The following LEPR variants were observed in gnomAD, a reference collection of about 807,000 sequenced individuals.
The protein encoded by LEPR is leptin receptor.
In LEPR, 56 loss-of-function variants were observed where a neutral mutation model predicts 114.7. The ratio of observed to expected loss-of-function variants is 0.49; its 90% confidence interval spans 0.39 to 0.61. The LOEUF is 0.61. Among genes scored for constraint, LEPR ranks in the 20% least tolerant of loss-of-function variants. The pLI is 0.00. For missense variants in LEPR, 1,202 were observed against 1,352.9 expected (o/e 0.89, Z 1.75); for synonymous variants, 443 against 461.4 (o/e 0.96, Z 0.51).
At chr1:65,484,409 G>T (rs996616144) in intron 2 of LEPR, among the ~76,000 whole-genome samples, 1 of 151,822 alleles carries the variant, frequency 6.6e-6, no homozygotes, top group African/African-American at 2.4e-5. Flanking sequence ...TTAAAAAAGA[G>T]TTCGTTTATC....
At chr1:65,585,055 T>A (rs1655226762) in intron 5 of LEPR, among the ~76,000 whole-genome samples, 1 of 152,062 alleles carries the variant, frequency 6.6e-6, no homozygotes, top group East Asian at 1.9e-4. Context: ...CCTTCTGAAT[T>A]CCTCATGGGG....
intron 2 of LEPR, among the ~76,000 whole-genome samples, chr1:65,559,648 T>TATTA (rs1653151624): frequency 8.8e-6 from 1 of 113,454 alleles, no homozygotes; most frequent in Admixed American, 8.5e-5. Flanking sequence ...TGAATGGTCA[T>TATTA]GCCTAGGTTT....
chr1:65,570,598 A>C lies in LEPR; in HGVS notation c.166A>C (p.Asn56His). The change falls in exon 4 of 20, where the codon AAT (asparagine) becomes CAT (histidine). Residue 56 changes from asparagine to histidine, a missense_variant. Asn to His is a moderately conservative substitution (Grantham distance 68, BLOSUM62 1). Coordinates refer to ENST00000349533, the MANE Select transcript of LEPR (RefSeq NM_002303.6). ...CCTTTTGCCTGCTGGACTCTCAAAG[A>C]ATACTTCAAATTCGAATGGACATTA... ...YFLLPAGLSKNTSNSNGHYET... is the reference protein window; with the variant it reads ...YFLLPAGLSKHTSNSNGHYET... 2 of 1,614,022 alleles carry C rather than the reference A, an allele frequency of 1.2e-6. No individual in the cohort carries two copies. The highest frequency in any genetic ancestry group is 1.7e-6 in the Non-Finnish European group (2 of 1,179,930).
At chr1:65,454,528 C>A (rs370847442) in intron 2 of LEPR, among the ~76,000 whole-genome samples, 1 of 151,894 alleles carries the variant, frequency 6.6e-6, no homozygotes, top group African/African-American at 2.4e-5. Context: ...ATTTTATTTC[C>A]CCTTCACTTA....
intron 2 of LEPR, among the ~76,000 whole-genome samples, chr1:65,438,508 C>A (rs532073512): frequency 5.1e-4 from 73 of 143,322 alleles, no homozygotes; most frequent in Middle Eastern, 8.0e-3. Context: ...CAAGATTGCA[C>A]CACTGCACTC....
intron 19 of LEPR, chr1:65,629,356 T>C (rs777498450): frequency 1.1e-5 from 5 of 448,500 alleles, no homozygotes; most frequent in South Asian, 8.0e-5. Flanking sequence ...ATGTTCTGTG[T>C]TGTAATTTGT....
chr1:65,634,878 GAAAA>G (rs372936080), intron 19 of LEPR: 4 of 791,588 alleles, frequency 5.1e-6, no homozygotes, highest in Non-Finnish European at 6.1e-6. Context: ...ATTTCTTTCA[GAAAA>G]AAAAAACAGG....
chr1:65,551,904 T>G (rs1318591753), intron 2 of LEPR, among the ~76,000 whole-genome samples: 1 of 152,240 alleles, frequency 6.6e-6, no homozygotes, highest in Non-Finnish European at 1.5e-5. Flanking sequence ...TGGTACGTTG[T>G]GTCTTTGTTC....
At chr1:65,520,024 C>T (rs768364379) in intron 2 of LEPR, among the ~76,000 whole-genome samples, 19 of 151,960 alleles carry the variant, frequency 1.3e-4, no homozygotes, top group East Asian at 3.9e-4. Flanking sequence ...CCACCACGCC[C>T]GGCTAATTTT....
chr1:65,623,795 A>G (rs759631025), intron 19 of LEPR, among the ~76,000 whole-genome samples: 5 of 152,190 alleles, frequency 3.3e-5, no homozygotes, highest in African/African-American at 4.8e-5. Context: ...GAAGCTATTA[A>G]TAGTACTCAA....
At chr1:65,438,831 C>T (rs759741698) in intron 2 of LEPR, among the ~76,000 whole-genome samples, 12 of 152,160 alleles carry the variant, frequency 7.9e-5, no homozygotes, top group Non-Finnish European at 1.5e-4. Flanking sequence ...AGTCAGATTA[C>T]AAACCCCATT....
intron 2 of LEPR, chr1:65,434,564 A>AG (rs1646532829): frequency 1.0e-6 from 1 of 985,272 alleles, no homozygotes; most frequent in Non-Finnish European, 1.2e-6. Flanking sequence ...TAATATACCT[A>AG]ACCTGTGATA....
intron 2 of LEPR, among the ~76,000 whole-genome samples, chr1:65,426,632 A>G (rs1646377161): frequency 6.6e-6 from 1 of 152,136 alleles, no homozygotes; most frequent in Non-Finnish European, 1.5e-5. Flanking sequence ...TTGTTCATCG[A>G]TGTCAGGATT....
intron 2 of LEPR, among the ~76,000 whole-genome samples, chr1:65,455,071 G>A (rs562729493): frequency 2.6e-5 from 4 of 152,008 alleles, no homozygotes; most frequent in Admixed American, 6.5e-5. Flanking sequence ...CCAGTTGATC[G>A]CATCGGCTCC....
chr1:65,503,340 C>G (rs1337281778), intron 2 of LEPR, among the ~76,000 whole-genome samples: 1 of 152,060 alleles, frequency 6.6e-6, no homozygotes, highest in African/African-American at 2.4e-5. Context: ...CAGAGGGTCA[C>G]AGGGTGGAAT....
chr1:65,583,575 G>C (rs1655133983), intron 5 of LEPR, among the ~76,000 whole-genome samples: 1 of 152,074 alleles, frequency 6.6e-6, no homozygotes, highest in Non-Finnish European at 1.5e-5. Context: ...AATGCTTAAA[G>C]GATGCCCTAA....
chr1:65,556,756 AAGGTG>A lies in LEPR; in HGVS notation c.-20-8787_-20-8783del, dbSNP rs1252373117. On this transcript the variant is annotated intron_variant, in intron 2 of 19. Transcript: ENST00000349533. ...GGATGGCCAGGGCAGGCTCCTTTAGAAGGTGAGTTGAGTGGTGGGGAGAGCAGTGG... is the reference window on the plus strand; with the variant it reads ...GGATGGCCAGGGCAGGCTCCTTTAGAAGTTGAGTGGTGGGGAGAGCAGTGG... Among the ~76,000 whole-genome samples, 8 of 152,066 alleles carry A rather than the reference AAGGTG, an allele frequency of 5.3e-5. No homozygotes were observed. The South Asian group carries it at 8.3e-4, about 16-fold the overall frequency.
intron 2 of LEPR, among the ~76,000 whole-genome samples, chr1:65,516,843 T>C (rs1317609247): frequency 6.6e-6 from 1 of 152,194 alleles, no homozygotes; most frequent in Non-Finnish European, 1.5e-5. Context: ...AGTGCCTCTG[T>C]ACCCATTTCA....
Position 65,565,530 on chromosome 1 carries a change from G to T in LEPR, c.-20-16G>T. On this transcript the variant is annotated splice_polypyrimidine_tract_variant and intron_variant, in intron 2 of 19. Transcript: ENST00000349533. The stretch of plus-strand genomic sequence containing the variant: ...TGTTTTTGTGTGTGTTCTGATTTTA[G>T]ATTTACCTTTTCCAGGTGTACTTCT... The T allele has an allele frequency of 6.2e-7, 1 of 1,613,414 alleles. No homozygotes were observed. Among genetic ancestry groups the T allele is most frequent in the Non-Finnish European group, 8.5e-7 (1 of 1,179,666 alleles).
Sources: allele counts gnomAD v4.1 joint callset (sites outside exome capture counted in the v4.1 genomes callset), GRCh38; gene constraint gnomAD v4.1.1; transcripts MANE v1.5; gene names NCBI Gene and HGNC (gene_info 2026-07-23, HGNC 2026-07-21).